SV2C: variants seen among roughly 807,000 people sequenced by gnomAD.
The protein encoded by SV2C is solute carrier family 22 member B3.
SV2C carries 49 observed loss-of-function variants against 79.7 expected under a neutral mutation model. The observed-to-expected ratio is 0.61, with a 90% confidence interval of 0.49 to 0.78. The LOEUF is 0.78. SV2C is among the 30% of genes least tolerant of loss of function. SV2C has a pLI of 0.00. For synonymous variants in SV2C, 334 were observed against 333.2 expected, an observed-to-expected ratio of 1.00 and a Z score of -0.03; for missense variants, 833 against 912.9, an observed-to-expected ratio of 0.91 and a Z score of 1.13.
At chr5:76,353,123 T>C in intron 12 of SV2C, 1 of 455,708 alleles carries the variant, frequency 2.2e-6, no homozygotes, top group Non-Finnish European at 4.4e-6. Context: ...TAATTTTTTT[T>C]TTGTAGACGC....
At chr5:76,093,696 G>A (rs775400153) in intron 1 of SV2C, among the ~76,000 whole-genome samples, 2 of 152,142 alleles carry the variant, frequency 1.3e-5, no homozygotes, top group Admixed American at 6.5e-5. Context: ...CTTCTGAGCC[G>A]CAGTGATCTG....
chr5:76,227,857 C>T (rs989290681), intron 4 of SV2C, among the ~76,000 whole-genome samples: 1 of 152,200 alleles, frequency 6.6e-6, no homozygotes, highest in Non-Finnish European at 1.5e-5. Flanking sequence ...GTGGCCCTAG[C>T]TGATGGGCTT....
intron 1 of SV2C, among the ~76,000 whole-genome samples, chr5:76,131,435 G>A (rs962681093): frequency 4.7e-5 from 7 of 148,024 alleles, no homozygotes; most frequent in African/African-American, 1.0e-4. Flanking sequence ...TAATAGCAGC[G>A]AAAACCCTAA....
chr5:76,265,292 G>A (rs1036093568), intron 4 of SV2C, among the ~76,000 whole-genome samples: 2 of 152,174 alleles, frequency 1.3e-5, no homozygotes, highest in Non-Finnish European at 2.9e-5. Context: ...AATGGCGGAC[G>A]CCCCTGCCCC....
rs1039444470 is a variant in SV2C, at chr5:76,104,291, A to T, written c.-102+20779A>T. 3.3e-5 allele frequency among the ~76,000 whole-genome samples: 5 copies of T among 152,226 alleles called. No individual in the cohort carries two copies. The East Asian group carries it at 7.7e-4, about 23-fold the overall frequency. On this transcript the variant is annotated intron_variant, in intron 1 of 12. Coordinates refer to ENST00000502798, the MANE Select transcript of SV2C (RefSeq NM_014979.4). ...GGCCAGTCCAACAAAACGCACTACA[A>T]CAGAATTTCCTCAACTTATTTGATC...
chr5:76,190,152 AC>A (rs1212683119), intron 2 of SV2C, among the ~76,000 whole-genome samples: 1 of 152,164 alleles, frequency 6.6e-6, no homozygotes, highest in African/African-American at 2.4e-5. Flanking sequence ...TGAAATGAAA[AC>A]TGGCCAACTG....
chr5:76,154,436 C>A (rs1212025797), intron 2 of SV2C, among the ~76,000 whole-genome samples: 1 of 152,152 alleles, frequency 6.6e-6, no homozygotes, highest in East Asian at 1.9e-4. Flanking sequence ...TTGTTTGAAA[C>A]AGGATTTCCC....
chr5:76,004,692 C>A, the SV2C span, among the ~76,000 whole-genome samples: 1 of 152,132 alleles, frequency 6.6e-6, no homozygotes, highest in Non-Finnish European at 1.5e-5. Context: ...TTGTGTGACA[C>A]GCCCTCAGAT....
chr5:76,175,201 A>G (rs535394912), intron 2 of SV2C, among the ~76,000 whole-genome samples: 18 of 152,262 alleles, frequency 1.2e-4, no homozygotes, highest in African/African-American at 4.1e-4. Flanking sequence ...CCTTCACAGA[A>G]TCAGAGCTCT....
Position 76,177,176 on chromosome 5 carries a change from TAATC to T in SV2C, c.581-17739_581-17736del, listed in dbSNP as rs546102918. Among the ~76,000 whole-genome samples the T allele has an allele frequency of 1.8e-3, 271 of 148,408 alleles. 1 individual carries two copies. The highest frequency in any genetic ancestry group is 6.1e-3 in the South Asian group (29 of 4,768). On this transcript the variant is annotated intron_variant, in intron 2 of 12. Transcript: ENST00000502798. ...GTATATATTTAATAATCAATTATAT[TAATC>T]AATATATTATATATTAATATATACA...
At position 76,328,206 on chromosome 5, in the gene SV2C, G is replaced by A. The variant is rs1408589273; in HGVS notation, c.*2659G>A. 2 of 152,334 alleles carry A rather than the reference G, an allele frequency of 1.3e-5. No homozygotes were observed. Among genetic ancestry groups the A allele is most frequent in the East Asian group, 3.9e-4 (2 of 5,188 alleles). The allele number at this position is 152,334 out of a possible 1,614,324, so 9.4% of individuals were successfully genotyped here. ...AACAGAAACTCTCAGTTGTATCAGT[G>A]TAGCAGGCCACTGGCACCTAAACAC... On this transcript the variant is annotated 3_prime_UTR_variant, in exon 13 of 13. Transcript: ENST00000502798.
At chr5:76,149,144 G>A (rs1749525323) in intron 2 of SV2C, among the ~76,000 whole-genome samples, 1 of 152,162 alleles carries the variant, frequency 6.6e-6, no homozygotes, top group Admixed American at 6.5e-5. Context: ...CTGTATGCCA[G>A]GCATGGTCAT....
chr5:75,956,282 A>G, the SV2C span, among the ~76,000 whole-genome samples: 1 of 147,270 alleles, frequency 6.8e-6, no homozygotes, highest in Non-Finnish European at 1.5e-5. Flanking sequence ...CATTCTCAGT[A>G]AACTATCGCA....
chr5:75,906,887 T>C, the SV2C span, among the ~76,000 whole-genome samples: 3 of 152,218 alleles, frequency 2.0e-5, no homozygotes, highest in South Asian at 6.2e-4. Context: ...TGGGGCTTGT[T>C]ACTGGCATCT....
chr5:76,347,430 C>T (rs1304366797), intron 12 of SV2C, among the ~76,000 whole-genome samples: 1 of 139,666 alleles, frequency 7.2e-6, no homozygotes, highest in African/African-American at 2.9e-5. Context: ...CTTACCTATG[C>T]CCGGACATGT....
chr5:76,092,810 C>G (rs1445783986), intron 1 of SV2C, among the ~76,000 whole-genome samples: 1 of 152,078 alleles, frequency 6.6e-6, no homozygotes, highest in African/African-American at 2.4e-5. Context: ...GAAAAGTCTC[C>G]TAATCATCCT....
At chr5:75,885,480 C>T in the SV2C span, among the ~76,000 whole-genome samples, 4 of 152,090 alleles carry the variant, frequency 2.6e-5, no homozygotes, top group Non-Finnish European at 4.4e-5. Flanking sequence ...TCAGCTGTGA[C>T]GCAAACCCAC....
chr5:76,302,538 G>A (rs1162692987), intron 12 of SV2C, among the ~76,000 whole-genome samples: 4 of 148,950 alleles, frequency 2.7e-5, no homozygotes, highest in East Asian at 4.0e-4. Flanking sequence ...GCTAAGGCAC[G>A]AGAATGGCTT....
intron 12 of SV2C, among the ~76,000 whole-genome samples, chr5:76,306,328 T>G (rs1380416102): frequency 1.3e-5 from 2 of 152,180 alleles, no homozygotes; most frequent in African/African-American, 4.8e-5. Flanking sequence ...GTAGCTGGTA[T>G]TATAGGTATG....
Sources: allele counts gnomAD v4.1 joint callset (sites outside exome capture counted in the v4.1 genomes callset), GRCh38; gene constraint gnomAD v4.1.1; transcripts MANE v1.5; gene names NCBI Gene and HGNC (gene_info 2026-07-23, HGNC 2026-07-21).